Variants in MN1 observed in about 807,000 individuals in gnomAD.
MN1 encodes the protein MN1 proto-oncogene, transcriptional regulator, also known as transcriptional activator MN1.
MN1 carries 19 observed loss-of-function variants against 86.9 expected under a neutral mutation model. The ratio of observed to expected loss-of-function variants is 0.22; its 90% confidence interval spans 0.15 to 0.32. The LOEUF is 0.32. Among genes scored for constraint, MN1 ranks in the 10% least tolerant of loss-of-function variants. The probability of loss-of-function intolerance (pLI) is 1.00; values close to 1 mark genes in which losing one functional copy is unlikely to be tolerated. For synonymous variants in MN1, 928 were observed against 849.6 expected (o/e 1.09, Z -1.60); for missense variants, 1,841 against 1,862.0 (o/e 0.99, Z 0.21).
At chr22:27,773,315 G>A (rs1024595990) in intron 1 of MN1, among the ~76,000 whole-genome samples, 8 of 152,202 alleles carry the variant, frequency 5.3e-5, no homozygotes, top group Admixed American at 2.6e-4. Context: ...ATTTTACCAC[G>A]GCAGAATATT....
In MN1 at chr22:27,750,365, G is replaced by C. The variant is rs567831892; in HGVS notation, c.*550C>G. On this transcript the variant is annotated 3_prime_UTR_variant, in exon 2 of 2. Coordinates refer to ENST00000302326, the MANE Select transcript of MN1 (RefSeq NM_002430.3). ...CTGGGGTGTCAATATATAACATTGT[G>C]ATGACAATTGGACTTTCACCCGGCA... is the stretch of plus-strand genomic sequence containing the variant. 43 of 223,518 alleles carry C rather than the reference G, an allele frequency of 1.9e-4. No homozygotes were observed. The highest frequency in any genetic ancestry group is 3.7e-4 in the Non-Finnish European group (42 of 112,074). The allele number at this position is 223,518 out of a possible 1,614,324, so 13.8% of individuals were successfully genotyped here. A position where few individuals can be genotyped will look rare whatever the true frequency, so the allele number is the denominator to read the frequency against.
rs1933317992 is a variant in MN1 at position 27,797,361 on chromosome 22, G to A, written c.3183C>T (p.Ser1061=). The change falls in exon 1 of 2, where the codon TCC becomes TCT. Residue 1061 remains serine (S), a synonymous_variant. Coordinates refer to ENST00000302326, the MANE Select transcript of MN1 (RefSeq NM_002430.3). ...TSYANEDEVS[S]SSDNPQALVK... Reference sequence around the variant, plus strand: ...CTAGTGCCTGGGGGTTGTCAGAGCTGGACGACACCTCGTCCTCATTGGCGT... The same window carrying A: ...CTAGTGCCTGGGGGTTGTCAGAGCTAGACGACACCTCGTCCTCATTGGCGT... 1 of 1,609,670 alleles carries A rather than the reference G, an allele frequency of 6.2e-7. No homozygotes were observed. Among genetic ancestry groups the A allele is most frequent in the Non-Finnish European group, 8.5e-7 (1 of 1,179,940 alleles).
intron 1 of MN1, among the ~76,000 whole-genome samples, chr22:27,762,632 A>G (rs1568972235): frequency 6.6e-6 from 1 of 152,042 alleles, no homozygotes. Flanking sequence ...GTTAGACCCT[A>G]TACTGAGTGG....
intron 1 of MN1, among the ~76,000 whole-genome samples, chr22:27,779,831 G>A (rs534699673): frequency 1.6e-4 from 24 of 152,242 alleles, no homozygotes; most frequent in Admixed American, 1.1e-3. Flanking sequence ...CCTTCCTGTC[G>A]GGGTGACCTC....
At chr22:27,771,647 C>T (rs549074333) in intron 1 of MN1, among the ~76,000 whole-genome samples, 1 of 152,306 alleles carries the variant, frequency 6.6e-6, no homozygotes, top group East Asian at 1.9e-4. Context: ...CAGCCACACC[C>T]ATCCATTGGC....
rs1185899359 is a variant in MN1, at chr22:27,799,805, A to G, written c.739T>C (p.Phe247Leu). 1 of 1,596,850 alleles carries G rather than the reference A, an allele frequency of 6.3e-7. No homozygotes were observed. Among genetic ancestry groups the G allele is most frequent in the Non-Finnish European group, 8.5e-7 (1 of 1,170,284 alleles). Residue 247 changes from phenylalanine (F) to leucine (L), a missense_variant, in exon 1 of 2, where the codon TTT becomes CTT. Transcript: ENST00000302326. ...GEAPSGHFDM[F>L]SPSDSEGQLP... ...TGCCCTTCGGAGTCAGAGGGCGAAA[A>G]CATGTCAAAATGTCCCGAGGGCGCC... is the stretch of plus-strand genomic sequence containing the variant.
chr22:27,798,315 C>T lies in MN1; in HGVS notation c.2229G>A (p.Gln743=). ...CGGCTGCACCAAACGGAAAGCCCGGCTGGCCCCCGAGCGCAGACGTAGCAA... is the reference window on the plus strand; with the variant it reads ...CGGCTGCACCAAACGGAAAGCCCGGTTGGCCCCCGAGCGCAGACGTAGCAA... ...PDFATSALGG[Q]PGFPFGAAGR... The change falls in exon 1 of 2, where the codon CAG becomes CAA. Residue 743 remains glutamine, a synonymous_variant. Coordinates refer to ENST00000302326, the MANE Select transcript of MN1 (RefSeq NM_002430.3). 1 of 1,520,902 alleles carries T rather than the reference C, an allele frequency of 6.6e-7. No individual in the cohort carries two copies. The highest frequency in any genetic ancestry group is 1.2e-5 in the South Asian group (1 of 82,660). 94.2% of individuals were successfully genotyped at this position (1,520,902 alleles called of 1,614,324 possible).
chr22:27,799,618 TGCTGCTGCTGCTGCTGGG>T lies in MN1; in HGVS notation c.908_925del (p.Pro303_Gln308del), dbSNP rs769995080. ...GAACCTCTCAAAGAACACACCATGC[TGCTGCTGCTGCTGCTGGG>T]GCTGCTGCTGCTGCTGGGGCTGCTG... On this transcript the variant is annotated inframe_deletion, in exon 1 of 2. Coordinates refer to ENST00000302326, the MANE Select transcript of MN1 (RefSeq NM_002430.3). 1.9e-4 allele frequency: 287 copies of T among 1,543,932 alleles called. No homozygotes were observed. Among genetic ancestry groups the T allele is most frequent in the African/African-American group, 3.6e-4 (26 of 72,768 alleles).
chr22:27,770,986 C>T (rs571941253), intron 1 of MN1, among the ~76,000 whole-genome samples: 1 of 151,936 alleles, frequency 6.6e-6, no homozygotes, highest in East Asian at 1.9e-4. Flanking sequence ...TTAAATATGC[C>T]CATAAAAGGT....
rs754024849 is a variant in MN1, at chr22:27,800,239, G to A, written c.305C>T (p.Pro102Leu). Residue 102 changes from proline (P) to leucine (L), a missense_variant, in exon 1 of 2, where the codon CCG (proline) becomes CTG (leucine). Transcript: ENST00000302326. ...ATGCTGGTGGGGATGATGACTTCCC[G>A]GGTGGCCGTGGTGAGGCTGCTGGCC... The part of the protein sequence containing the change: ...FGGQQPHHGH[P>L]GSHHPHQHHP... 3 of 1,583,932 alleles carry A rather than the reference G, an allele frequency of 1.9e-6. No homozygotes were observed. The highest frequency in any genetic ancestry group is 4.5e-5 in the East Asian group (2 of 44,574).
intron 1 of MN1, among the ~76,000 whole-genome samples, chr22:27,788,533 C>T (rs750461530): frequency 1.4e-4 from 21 of 152,000 alleles, no homozygotes; most frequent in Non-Finnish European, 2.4e-4. Flanking sequence ...TCCTGGTGGT[C>T]GCTGCCAATC....
At chr22:27,765,732 A>G (rs1638503681) in intron 1 of MN1, among the ~76,000 whole-genome samples, 3 of 152,220 alleles carry the variant, frequency 2.0e-5, no homozygotes. Context: ...TATGAGAACC[A>G]AGGCCACGCA....
At chr22:27,791,379 C>A (rs1336283123) in intron 1 of MN1, among the ~76,000 whole-genome samples, 3 of 152,030 alleles carry the variant, frequency 2.0e-5, no homozygotes, top group Non-Finnish European at 2.9e-5. Context: ...CAAATCTGTC[C>A]ACCCAAGACG....
In MN1 at chr22:27,794,493, G is replaced by A. The variant is rs2267120; in HGVS notation, c.3781+2270C>T. On this transcript the variant is annotated intron_variant, in intron 1 of 1. Transcript: ENST00000302326. ...CTGGTCCCTGATGGAAGTCCCTGTC[G>A]CCCCGCATGCAGGGGAGGGCTTCCT... 3.5e-3 allele frequency among the ~76,000 whole-genome samples: 526 copies of A among 152,340 alleles called. 20 individuals are homozygous for A. In the East Asian group the frequency reaches 0.084, roughly 24 times the overall value.
rs576386075 is a variant in MN1 at position 27,798,210 on chromosome 22, G to A, written c.2334C>T (p.Gly778=). The part of the protein sequence containing the change: ...SAGGGGGSSG[G]GGGGGAYPPQ... ...GCGGGTAGGCACCCCCGCCACCGCC[G>A]CCACCAGAGCTGCCACCGCCCCCTC... The change falls in exon 1 of 2, where the codon GGC becomes GGT. Residue 778 remains glycine, a synonymous_variant. Transcript: ENST00000302326. 6 of 1,527,984 alleles carry A rather than the reference G, an allele frequency of 3.9e-6. No individual in the cohort carries two copies. The East Asian group carries it at 7.0e-5, about 18-fold the overall frequency. 94.7% of individuals were successfully genotyped at this position (1,527,984 alleles called of 1,614,324 possible). A position where few individuals can be genotyped will look rare whatever the true frequency, so the allele number is the denominator to read the frequency against.
At chr22:27,776,394 C>T (rs1031042131) in intron 1 of MN1, among the ~76,000 whole-genome samples, 1 of 152,220 alleles carries the variant, frequency 6.6e-6, no homozygotes, top group Non-Finnish European at 1.5e-5. Context: ...GTTTAATTGC[C>T]TTCAAACCTA....
chr22:27,798,710 C>T lies in MN1; in HGVS notation c.1834G>A (p.Ala612Thr). ...NFEREGGSTGAGRLGTFEQQA... is the reference protein window; with the variant it reads ...NFEREGGSTGTGRLGTFEQQA... ...TGCTCGAAGGTGCCCAGACGCCCGG[C>T]GCCCGTGCTGCCGCCTTCGCGCTCA... Residue 612 changes from alanine (A) to threonine (T), a missense_variant, in exon 1 of 2, where the codon GCC becomes ACC. Physicochemically the swap from Ala to Thr is moderately conservative, Grantham distance 58 (BLOSUM62 0). Transcript: ENST00000302326. The T allele has an allele frequency of 2.0e-6, 3 of 1,535,138 alleles. No homozygotes were observed. Among genetic ancestry groups the T allele is most frequent in the Non-Finnish European group, 2.6e-6 (3 of 1,146,920 alleles).
At chr22:27,757,085 C>G (rs983456849) in intron 1 of MN1, among the ~76,000 whole-genome samples, 20 of 151,608 alleles carry the variant, frequency 1.3e-4, no homozygotes, top group African/African-American at 4.6e-4. Flanking sequence ...AATCCCCTAA[C>G]CTGGTACTAC....
At chr22:27,774,016 G>A (rs1932944941) in intron 1 of MN1, among the ~76,000 whole-genome samples, 1 of 152,116 alleles carries the variant, frequency 6.6e-6, no homozygotes, top group Non-Finnish European at 1.5e-5. Flanking sequence ...AGTGGTAGGG[G>A]CTCAGGGGCA....
Sources: gnomAD v4.1 joint callset for allele counts (sites outside exome capture counted in the v4.1 genomes callset) on GRCh38, gnomAD v4.1.1 for gene constraint, MANE v1.5 for transcripts, NCBI Gene and HGNC (gene_info 2026-07-23, HGNC 2026-07-21) for gene names.